PTPRD: variants seen among roughly 807,000 people sequenced by gnomAD.
PTPRD encodes receptor-type tyrosine-protein phosphatase delta.
In PTPRD, 34 loss-of-function variants were observed where a neutral mutation model predicts 214.5. The observed-to-expected ratio is 0.16, with a 90% CI of 0.12 to 0.21. The LOEUF (loss-of-function observed/expected upper bound fraction) is 0.21. Ranked by LOEUF, PTPRD falls within the 10% of genes least tolerant of loss-of-function variation. The pLI is 1.00. For synonymous variants in PTPRD, 1,128 were observed against 845.7 expected (o/e 1.33, Z -5.79); for missense variants, 2,545 against 2,398.7 (o/e 1.06, Z -1.27).
rs529460727 is a variant in PTPRD, at chr9:9,841,407, C to G, written c.-367-74556G>C. 2.6e-5 allele frequency among the ~76,000 whole-genome samples: 4 copies of G among 151,884 alleles called. No homozygotes were observed. In the South Asian group the frequency reaches 8.3e-4, roughly 31 times the overall value. ...CTTCTGTTCCTGATGTTAAAATAAG[C>G]AAAATAACTATGTTACTCTTTGATT... On this transcript the variant is annotated intron_variant, in intron 5 of 45. Transcript: ENST00000381196.
chr9:10,093,731 A>G (rs2098455625), intron 3 of PTPRD, among the ~76,000 whole-genome samples: 1 of 151,380 alleles, frequency 6.6e-6, no homozygotes, highest in Admixed American at 6.6e-5. Context: ...ACAAAATTTG[A>G]TACATCTTGG....
intron 39 of PTPRD, among the ~76,000 whole-genome samples, chr9:8,371,066 A>C (rs952782418): frequency 1.2e-4 from 18 of 152,130 alleles, no homozygotes; most frequent in African/African-American, 4.3e-4. Context: ...GTATTGCTAC[A>C]AAATGGGGAG....
intron 10 of PTPRD, among the ~76,000 whole-genome samples, chr9:9,175,018 C>G (rs994632155): frequency 6.6e-6 from 1 of 152,054 alleles, no homozygotes; most frequent in Non-Finnish European, 1.5e-5. Context: ...TTTCCCCTTT[C>G]CACTATATGA....
intron 9 of PTPRD, among the ~76,000 whole-genome samples, chr9:9,306,791 A>T (rs1471347959): frequency 6.6e-6 from 1 of 152,100 alleles, no homozygotes. Flanking sequence ...GTTAGCATTG[A>T]GAGTAAATTT....
At chr9:8,504,133 T>C in intron 23 of PTPRD, 128 bp downstream of exon 23, 3 of 876,154 alleles carry the variant, frequency 3.4e-6, no homozygotes, top group Non-Finnish European at 5.4e-6. Context: ...CTGTGAAGTG[T>C]GATGCATACT....
chr9:8,811,300 C>A (rs1044504316), intron 11 of PTPRD, among the ~76,000 whole-genome samples: 3 of 152,060 alleles, frequency 2.0e-5, no homozygotes, highest in Non-Finnish European at 2.9e-5. Flanking sequence ...AAGATGCTGG[C>A]ATTTATACCA....
intron 7 of PTPRD, among the ~76,000 whole-genome samples, chr9:9,657,627 AG>A (rs1163533909): frequency 1.3e-5 from 2 of 152,252 alleles, no homozygotes; most frequent in Non-Finnish European, 2.9e-5. Flanking sequence ...TAAGTAAAAA[AG>A]AAAAAGAAAA....
At chr9:8,418,973 C>T (rs1448424606) in intron 35 of PTPRD, among the ~76,000 whole-genome samples, 1 of 151,858 alleles carries the variant, frequency 6.6e-6, no homozygotes, top group African/African-American at 2.4e-5. Context: ...AAAAATGGCT[C>T]CTTCATTCAA....
intron 39 of PTPRD, among the ~76,000 whole-genome samples, 166 bp from the exon 40 acceptor site, chr9:8,342,144 G>A (rs1029643720): frequency 3.3e-5 from 5 of 151,804 alleles, no homozygotes; most frequent in African/African-American, 7.3e-5. Context: ...GTATTATCTA[G>A]GCACCATAAT....
intron 3 of PTPRD, among the ~76,000 whole-genome samples, chr9:10,286,177 GT>G (rs2095346749): frequency 6.6e-6 from 1 of 152,120 alleles, no homozygotes; most frequent in South Asian, 2.1e-4. Context: ...AAGGAAATCA[GT>G]AACTAGCTAT....
intron 5 of PTPRD, among the ~76,000 whole-genome samples, chr9:9,798,934 A>C (rs554819420): frequency 1.3e-5 from 2 of 152,256 alleles, no homozygotes; most frequent in Non-Finnish European, 1.5e-5. Context: ...TTTTCTTTTA[A>C]TGTTTTTAAA....
At chr9:10,018,678 G>A (rs1206657037) in intron 4 of PTPRD, among the ~76,000 whole-genome samples, 1 of 144,488 alleles carries the variant, frequency 6.9e-6, no homozygotes, top group African/African-American at 2.5e-5. Flanking sequence ...CTCCCAAGTA[G>A]CTGGGACTAC....
chr9:8,772,388 T>TACATTTTTAA (rs113858752), intron 11 of PTPRD, among the ~76,000 whole-genome samples: 103,412 of 151,246 alleles, frequency 0.68, 35,372 homozygotes, highest in Middle Eastern at 0.75. Flanking sequence ...AGGAGCACAG[T>TACATTTTTAA]ACATAAAGAA....
At chr9:10,038,262 T>G (rs2097225029) in intron 3 of PTPRD, among the ~76,000 whole-genome samples, 1 of 152,150 alleles carries the variant, frequency 6.6e-6, no homozygotes, top group Admixed American at 6.6e-5. Context: ...GCCCTTATCA[T>G]TCTACAACAT....
intron 6 of PTPRD, among the ~76,000 whole-genome samples, chr9:9,750,940 C>A (rs1267854840): frequency 1.3e-5 from 2 of 152,068 alleles, no homozygotes; most frequent in Admixed American, 6.6e-5. Flanking sequence ...GTTGGCTTCA[C>A]ATGTCGCAAT....
chr9:8,716,557 T>C (rs776873415), intron 12 of PTPRD, among the ~76,000 whole-genome samples: 55 of 150,756 alleles, frequency 3.6e-4, no homozygotes, highest in African/African-American at 5.5e-4. Flanking sequence ...TACACAGAGA[T>C]TGAAAGCCTA....
chr9:9,815,849 A>G (rs1377531673), intron 5 of PTPRD, among the ~76,000 whole-genome samples: 1 of 152,268 alleles, frequency 6.6e-6, no homozygotes, highest in Middle Eastern at 3.4e-3. Flanking sequence ...TGTAGTTAGT[A>G]ACACTGTATT....
intron 8 of PTPRD, among the ~76,000 whole-genome samples, chr9:9,449,955 C>G (rs899985883): frequency 6.6e-6 from 1 of 151,922 alleles, no homozygotes; most frequent in East Asian, 1.9e-4. Context: ...CATATCTTAG[C>G]TCCCACTTAT....
At chr9:8,964,467 TA>T (rs376999761) in intron 11 of PTPRD, among the ~76,000 whole-genome samples, 1,385 of 81,510 alleles carry the variant, frequency 0.017, 19 homozygotes, top group African/African-American at 0.042. Context: ...TTAATCTAGT[TA>T]GTAGCCTATT....
Sources: allele counts gnomAD v4.1 joint callset (sites outside exome capture counted in the v4.1 genomes callset), GRCh38; gene constraint gnomAD v4.1.1; transcripts MANE v1.5; gene names NCBI Gene and HGNC (gene_info 2026-07-23, HGNC 2026-07-21).